The following VWA8 variants were observed in gnomAD, a reference collection of about 807,000 sequenced individuals.
VWA8 encodes the protein von Willebrand factor A domain-containing protein 8.
In VWA8, 221 loss-of-function variants were observed where a neutral mutation model predicts 241.5. The observed-to-expected ratio is 0.91, with a 90% confidence interval of 0.82 to 1.02. The LOEUF (loss-of-function observed/expected upper bound fraction) is 1.02. Among genes scored for constraint, VWA8 ranks in the 50% least tolerant of loss-of-function variants. The probability of loss-of-function intolerance (pLI) is 0.00; values close to 1 mark genes in which losing one functional copy is unlikely to be tolerated. For missense variants in VWA8, 2,322 were observed against 2,328.7 expected (o/e 1.00, Z 0.06); for synonymous variants, 852 against 827.1 (o/e 1.03, Z -0.52).
At chr13:41,589,294 C>T (rs965045210) in intron 41 of VWA8, among the ~76,000 whole-genome samples, 7 of 152,086 alleles carry the variant, frequency 4.6e-5, no homozygotes, top group African/African-American at 7.2e-5. Context: ...TTAAGGGAGA[C>T]GTTCTTATTT....
chr13:41,723,394 G>A (rs114498100), intron 24 of VWA8, among the ~76,000 whole-genome samples: 2,183 of 152,256 alleles, frequency 0.014, 49 homozygotes, highest in African/African-American at 0.048. Context: ...CTTCTGCCAT[G>A]AAAGCCTTCT....
chr13:41,648,951 AGGCG>A (rs763282669), intron 37 of VWA8, among the ~76,000 whole-genome samples: 1 of 152,200 alleles, frequency 6.6e-6, no homozygotes, highest in Non-Finnish European at 1.5e-5. Context: ...TGGGAGGCCA[AGGCG>A]GGTGGATCAC....
intron 17 of VWA8, among the ~76,000 whole-genome samples, chr13:41,798,727 C>T (rs1051991103): frequency 6.6e-6 from 1 of 151,988 alleles, no homozygotes; most frequent in Non-Finnish European, 1.5e-5. Context: ...AACAATTATT[C>T]TCCCTCAGTC....
At chr13:41,758,397 A>ATATATATATAT (rs1566444703) in intron 21 of VWA8, among the ~76,000 whole-genome samples, 1 of 8,630 alleles carries the variant, frequency 1.2e-4, no homozygotes, top group African/African-American at 3.2e-4. Flanking sequence ...TATATACGCT[A>ATATATATATAT]GTATATATAT....
intron 37 of VWA8, among the ~76,000 whole-genome samples, chr13:41,656,792 G>A (rs1220849088): frequency 6.6e-6 from 1 of 152,174 alleles, no homozygotes; most frequent in African/African-American, 2.4e-5. Context: ...TAACTTAGAG[G>A]AAAGATCATT....
At chr13:41,831,682 C>T (rs1051580386) in intron 13 of VWA8, among the ~76,000 whole-genome samples, 1 of 144,376 alleles carries the variant, frequency 6.9e-6, no homozygotes, top group Non-Finnish European at 1.5e-5. Context: ...TGCAGTGGCG[C>T]GATCTAGGCT....
intron 44 of VWA8, among the ~76,000 whole-genome samples, chr13:41,569,277 G>A (rs2044284140): frequency 6.6e-6 from 1 of 152,216 alleles, no homozygotes; most frequent in Non-Finnish European, 1.5e-5. Context: ...TCACTAGAAA[G>A]ACAAAATAGC....
At chr13:41,790,939 CA>C (rs999723421) in intron 17 of VWA8, among the ~76,000 whole-genome samples, 7 of 151,072 alleles carry the variant, frequency 4.6e-5, no homozygotes, top group Admixed American at 2.6e-4. Context: ...ATTACATTAA[CA>C]AAAAAAAGCC....
At chr13:41,684,409 C>A (rs1284609116) in intron 35 of VWA8, among the ~76,000 whole-genome samples, 2 of 151,782 alleles carry the variant, frequency 1.3e-5, no homozygotes, top group African/African-American at 4.8e-5. Context: ...ATGATGAATG[C>A]CAGTGTGGTT....
intron 37 of VWA8, among the ~76,000 whole-genome samples, chr13:41,663,010 T>G (rs548395634): frequency 5.3e-5 from 8 of 152,260 alleles, no homozygotes; most frequent in African/African-American, 1.7e-4. Context: ...TGATTACCAT[T>G]TAGGTAGTTC....
chr13:41,869,965 T>G (rs1873513533), intron 9 of VWA8, among the ~76,000 whole-genome samples: 1 of 152,136 alleles, frequency 6.6e-6, no homozygotes, highest in Non-Finnish European at 1.5e-5. Context: ...TCATCATGTA[T>G]TCAGCAGAAT....
intron 21 of VWA8, among the ~76,000 whole-genome samples, chr13:41,734,632 G>A (rs1475482): frequency 0.16 from 24,702 of 152,114 alleles, 2,139 homozygotes; most frequent in Non-Finnish European, 0.2. Context: ...TCTAACTTGA[G>A]CAAACAGTTT....
intron 9 of VWA8, among the ~76,000 whole-genome samples, chr13:41,872,316 T>A (rs1465859920): frequency 6.6e-6 from 1 of 152,252 alleles, no homozygotes; most frequent in African/African-American, 2.4e-5. Flanking sequence ...TTTAATTAGA[T>A]CCCATTTGTC....
intron 1 of VWA8, 45 bp downstream of exon 1, chr13:41,960,808 G>C (rs1413427785): frequency 1.3e-6 from 2 of 1,487,306 alleles, no homozygotes; most frequent in Non-Finnish European, 1.8e-6. Flanking sequence ...GACCCGGCAC[G>C]GAGCGCAGGG....
intron 36 of VWA8, among the ~76,000 whole-genome samples, chr13:41,672,170 G>T (rs1416026315): frequency 6.6e-6 from 1 of 152,078 alleles, no homozygotes; most frequent in Non-Finnish European, 1.5e-5. Flanking sequence ...TATGCATTTC[G>T]ACTGCATTTG....
At chr13:41,733,538 AC>A (rs2045502097) in intron 21 of VWA8, among the ~76,000 whole-genome samples, 1 of 152,132 alleles carries the variant, frequency 6.6e-6, no homozygotes, top group African/African-American at 2.4e-5. Context: ...ATTTGTTGTC[AC>A]TATTGTTGTT....
intron 40 of VWA8, among the ~76,000 whole-genome samples, chr13:41,595,425 A>G (rs1194831748): frequency 6.6e-6 from 1 of 152,138 alleles, no homozygotes; most frequent in Non-Finnish European, 1.5e-5. Context: ...CTTGTAATAA[A>G]GTATACAAAT....
At chr13:41,857,375 TAC>T (rs1872797994) in intron 12 of VWA8, among the ~76,000 whole-genome samples, 1 of 152,190 alleles carries the variant, frequency 6.6e-6, no homozygotes, top group South Asian at 2.1e-4. Context: ...GGCGATGTAT[TAC>T]AGAGAAGCAT....
intron 40 of VWA8, among the ~76,000 whole-genome samples, chr13:41,597,602 T>C (rs949877223): frequency 6.6e-6 from 1 of 152,142 alleles, no homozygotes; most frequent in Non-Finnish European, 1.5e-5. Flanking sequence ...TGAGTAACAC[T>C]ATACTATCTA....
Sources: gnomAD v4.1 joint callset for allele counts (sites outside exome capture counted in the v4.1 genomes callset) on GRCh38, gnomAD v4.1.1 for gene constraint, MANE v1.5 for transcripts, NCBI Gene and HGNC (gene_info 2026-07-23, HGNC 2026-07-21) for gene names.